PDZRN4: variants seen among roughly 807,000 people sequenced by gnomAD.
PDZRN4 encodes PDZ domain containing ring finger 4.
Under a neutral mutation model 99.0 loss-of-function variants are expected in PDZRN4, and 70 were observed. That is an observed-to-expected ratio of 0.71 (90% CI 0.58 to 0.86). The LOEUF is 0.86. PDZRN4 is among the 40% of genes least tolerant of loss of function. The probability of loss-of-function intolerance (pLI) is 0.00; values close to 1 mark genes in which losing one functional copy is unlikely to be tolerated. For synonymous variants in PDZRN4, 551 were observed against 501.6 expected (o/e 1.10, Z -1.32); for missense variants, 1,474 against 1,331.2 (o/e 1.11, Z -1.67).
At chr12:41,515,928 G>C (rs1470099538) in intron 5 of PDZRN4, among the ~76,000 whole-genome samples, 2 of 151,828 alleles carry the variant, frequency 1.3e-5, no homozygotes, top group Non-Finnish European at 2.9e-5. Flanking sequence ...GAGGGTCCTT[G>C]GAACCCTCTC....
At chr12:41,289,308 C>T (rs556343822) in intron 3 of PDZRN4, among the ~76,000 whole-genome samples, 5 of 152,200 alleles carry the variant, frequency 3.3e-5, no homozygotes, top group Non-Finnish European at 5.9e-5. Context: ...TCATTTTAAA[C>T]ATTCAAACTA....
chr12:41,470,804 A>G (rs1461127678), intron 3 of PDZRN4, among the ~76,000 whole-genome samples: 1 of 152,090 alleles, frequency 6.6e-6, no homozygotes, highest in Non-Finnish European at 1.5e-5. Context: ...AACGAGCCTC[A>G]TGGCCAAAAC....
intron 9 of PDZRN4, among the ~76,000 whole-genome samples, chr12:41,568,812 T>TTTTA (rs1565618228): frequency 6.7e-6 from 1 of 148,520 alleles, no homozygotes; most frequent in Non-Finnish European, 1.5e-5. Flanking sequence ...ATGTATTTTA[T>TTTTA]TATATATATA....
intron 9 of PDZRN4, 74 bp from the exon 10 acceptor site, chr12:41,572,290 C>A: frequency 7.5e-7 from 1 of 1,326,718 alleles, no homozygotes; most frequent in Non-Finnish European, 1.0e-6. Flanking sequence ...CATTGGTTTT[C>A]AAACAAGATT....
intron 3 of PDZRN4, among the ~76,000 whole-genome samples, chr12:41,283,098 A>T (rs12308845): frequency 0.085 from 12,282 of 143,818 alleles, 631 homozygotes; most frequent in African/African-American, 0.15. Flanking sequence ...TGTTTTTTTT[A>T]AAAGATTAAC....
chr12:41,228,005 TTATACTATAAAAGAA>T (rs1377997513), intron 3 of PDZRN4, among the ~76,000 whole-genome samples: 15 of 152,000 alleles, frequency 9.9e-5, no homozygotes, highest in Non-Finnish European at 1.5e-4. Context: ...AGTTGACTGA[TTATACTATAAAAGAA>T]AAGGTCTTTG....
At chr12:41,482,919 C>G (rs1253612645) in intron 3 of PDZRN4, among the ~76,000 whole-genome samples, 2 of 151,884 alleles carry the variant, frequency 1.3e-5, no homozygotes, top group Non-Finnish European at 2.9e-5. Flanking sequence ...AGGATCAACC[C>G]TCAGTGTTTC....
At chr12:41,257,835 T>C (rs1348578018) in intron 3 of PDZRN4, among the ~76,000 whole-genome samples, 1 of 152,234 alleles carries the variant, frequency 6.6e-6, no homozygotes, top group East Asian at 1.9e-4. Flanking sequence ...TTTGTCTTCC[T>C]ATGAGTGGGA....
intron 3 of PDZRN4, chr12:41,473,323 G>A (rs1485233480): frequency 5.3e-5 from 8 of 152,154 alleles, no homozygotes; most frequent in East Asian, 1.9e-4. Flanking sequence ...CTTGTCATAA[G>A]AGAGTTTACA....
chr12:41,260,024 G>C (rs1233609637), intron 3 of PDZRN4, among the ~76,000 whole-genome samples: 2 of 152,048 alleles, frequency 1.3e-5, no homozygotes, highest in Non-Finnish European at 2.9e-5. Flanking sequence ...TATTTGTTTG[G>C]AGTATCTGGA....
chr12:41,441,288 G>C (rs1264629119), intron 3 of PDZRN4, among the ~76,000 whole-genome samples: 1 of 152,144 alleles, frequency 6.6e-6, no homozygotes, highest in Non-Finnish European at 1.5e-5. Context: ...AAAACCAGAA[G>C]TAGACTAGCA....
At chr12:41,460,306 G>C (rs1952859379) in intron 3 of PDZRN4, among the ~76,000 whole-genome samples, 1 of 152,052 alleles carries the variant, frequency 6.6e-6, no homozygotes, top group Admixed American at 6.6e-5. Context: ...TAATTTTTCA[G>C]TGAATGAAAA....
At chr12:41,488,040 C>T (rs772977762) in intron 3 of PDZRN4, among the ~76,000 whole-genome samples, 1 of 152,114 alleles carries the variant, frequency 6.6e-6, no homozygotes, top group Non-Finnish European at 1.5e-5. Flanking sequence ...TAACAGTATG[C>T]AGTCATGTCA....
intron 3 of PDZRN4, among the ~76,000 whole-genome samples, chr12:41,327,509 G>A (rs115894843): frequency 1.6e-3 from 248 of 152,278 alleles, no homozygotes; most frequent in African/African-American, 5.2e-3. Context: ...AGCTGTGAAC[G>A]TCAATCAACC....
At chr12:41,351,629 T>C (rs1216907669) in intron 3 of PDZRN4, among the ~76,000 whole-genome samples, 1 of 151,860 alleles carries the variant, frequency 6.6e-6, no homozygotes, top group East Asian at 1.9e-4. Context: ...CCAAATCTCA[T>C]GAGAACTCTG....
chr12:41,440,042 T>G (rs1186838204), intron 3 of PDZRN4, among the ~76,000 whole-genome samples: 1 of 152,152 alleles, frequency 6.6e-6, no homozygotes. Context: ...AGAGCACACA[T>G]GAAAGTGAAC....
intron 3 of PDZRN4, among the ~76,000 whole-genome samples, chr12:41,340,273 C>T (rs867276633): frequency 3.9e-5 from 6 of 151,928 alleles, no homozygotes; most frequent in Admixed American, 1.3e-4. Flanking sequence ...CTGTCATTTG[C>T]AACAACATGA....
At chr12:41,571,094 G>A (rs753184424) in intron 9 of PDZRN4, among the ~76,000 whole-genome samples, 3 of 151,906 alleles carry the variant, frequency 2.0e-5, no homozygotes, top group Non-Finnish European at 4.4e-5. Flanking sequence ...ATTTAATTGT[G>A]TAATTACATC....
chr12:41,458,955 G>A (rs1211338476), intron 3 of PDZRN4, among the ~76,000 whole-genome samples: 2 of 152,120 alleles, frequency 1.3e-5, no homozygotes. Flanking sequence ...CATTGGCACT[G>A]AGATAGGAAA....
Sources: gnomAD v4.1 joint callset for allele counts (sites outside exome capture counted in the v4.1 genomes callset) on GRCh38, gnomAD v4.1.1 for gene constraint, MANE v1.5 for transcripts, NCBI Gene and HGNC (gene_info 2026-07-23, HGNC 2026-07-21) for gene names.